The following DENND2C variants were observed in gnomAD, a reference collection of about 807,000 sequenced individuals.
The protein encoded by DENND2C is DENN domain containing 2C, also known as DENN domain-containing protein 2C.
Under a neutral mutation model 112.4 loss-of-function variants are expected in DENND2C, and 72 were observed. The observed-to-expected ratio is 0.64, with a 90% CI of 0.53 to 0.78. The LOEUF is 0.78. Ranked by LOEUF, DENND2C falls within the 30% of genes least tolerant of loss-of-function variation. The probability of loss-of-function intolerance (pLI) is 0.00; values close to 1 mark genes in which losing one functional copy is unlikely to be tolerated. For missense variants in DENND2C, 992 were observed against 1,113.8 expected (o/e 0.89, Z 1.56); for synonymous variants, 329 against 381.6 (o/e 0.86, Z 1.61).
rs185526394 is a variant in DENND2C, at chr1:114,649,245, G to T, written c.-316-3686C>A. 3.2e-3 allele frequency among the ~76,000 whole-genome samples: 490 copies of T among 152,262 alleles called. 4 individuals are homozygous for T. Among genetic ancestry groups the T allele is most frequent in the Non-Finnish European group, 3.9e-3 (265 of 68,010 alleles). On this transcript the variant is annotated intron_variant, in intron 2 of 20. Coordinates refer to ENST00000393274, the MANE Select transcript of DENND2C (RefSeq NM_001256404.2). ...GCTGGGATTACAGGTGTGAGCCATT[G>T]CACCCGGCACTTTTCACTTAATTAT...
intron 3 of DENND2C, among the ~76,000 whole-genome samples, chr1:114,641,103 C>T (rs114727394): frequency 0.011 from 1,721 of 151,786 alleles, 27 homozygotes; most frequent in African/African-American, 0.039. Flanking sequence ...AGAAGATTCT[C>T]TGAAGGTAGG....
In DENND2C at chr1:114,621,952, T is replaced by C; in HGVS notation, c.1170A>G (p.Glu390=). Residue 390 remains glutamate, a synonymous_variant, in exon 7 of 21, where the codon GAA becomes GAG. Transcript: ENST00000393274. ...CTTCACCAGCTCGGAAAAGCTTCCA[T>C]TCCGTTAAAGTGACCGGCAAAGTTG... is the stretch of plus-strand genomic sequence containing the variant. ...KDTTLPVTLT[E]WKLFRAGEVA... 6.4e-7 allele frequency: 1 copy of C among 1,550,760 alleles called. No homozygotes were observed.
At chr1:114,634,579 A>C (rs936710349) in intron 3 of DENND2C, among the ~76,000 whole-genome samples, 8 of 152,234 alleles carry the variant, frequency 5.3e-5, no homozygotes, top group African/African-American at 1.9e-4. Flanking sequence ...TAAAAGACTG[A>C]CATCATACTG....
At chr1:114,611,634 T>A (rs529568203) in intron 8 of DENND2C, among the ~76,000 whole-genome samples, 1 of 152,302 alleles carries the variant, frequency 6.6e-6, no homozygotes, top group African/African-American at 2.4e-5. Flanking sequence ...CTAGTCCATA[T>A]GGATCTTTAC....
chr1:114,616,382 ACT>A (rs1655973198), intron 8 of DENND2C, among the ~76,000 whole-genome samples: 1 of 151,324 alleles, frequency 6.6e-6, no homozygotes, highest in Non-Finnish European at 1.5e-5. Context: ...ACAGAGTGAG[ACT>A]CTGTATCCAA....
chr1:114,603,435 A>T (rs939167314), intron 11 of DENND2C, among the ~76,000 whole-genome samples: 5 of 144,676 alleles, frequency 3.5e-5, no homozygotes, highest in Non-Finnish European at 6.1e-5. Flanking sequence ...GCCAAGTCCA[A>T]TTTTTTTTTT....
At chr1:114,669,879 C>T in intron 1 of DENND2C, 104 bp downstream of exon 1, 1 of 152,448 alleles carries the variant, frequency 6.6e-6, no homozygotes, top group Non-Finnish European at 1.5e-5. Context: ...TACGCCGCGG[C>T]GCCACAGCCC....
Position 114,600,341 on chromosome 1 carries a change from G to C in DENND2C, c.1968C>G (p.Leu656=), listed in dbSNP as rs930183403. ...CCAATCGGGAATCTAGTGGTCGGCA[G>C]AGTTCAATGGACTGAAATGCAAGAA... The part of the protein sequence containing the change: ...LPGAGDESIE[L]CRPLDSRLEH... The change falls in exon 15 of 21, where the codon CTC becomes CTG. Residue 656 remains leucine (L), a synonymous_variant. Transcript: ENST00000393274. The C allele has an allele frequency of 6.2e-6, 10 of 1,614,104 alleles. No individual in the cohort carries two copies. The highest frequency in any genetic ancestry group is 1.3e-5 in the African/African-American group (1 of 75,054).
chr1:114,635,765 G>C (rs1033528196), intron 3 of DENND2C, among the ~76,000 whole-genome samples: 1 of 152,166 alleles, frequency 6.6e-6, no homozygotes, highest in Non-Finnish European at 1.5e-5. Flanking sequence ...CCAACAATTT[G>C]GGAGGCTGAG....
At position 114,583,368 on chromosome 1, in the gene DENND2C, G is replaced by C. The variant is rs1654950824; in HGVS notation, c.*2232C>G. ...ACAACTTACACAGTTTTGTAAGGTT[G>C]AATAAATACTTTCTGTGCCAGTTAA... On this transcript the variant is annotated 3_prime_UTR_variant, in exon 21 of 21. Coordinates refer to ENST00000393274, the MANE Select transcript of DENND2C (RefSeq NM_001256404.2). 6.6e-6 allele frequency: 1 copy of C among 152,188 alleles called. No individual in the cohort carries two copies. 9.4% of individuals were successfully genotyped at this position (152,188 alleles called of 1,614,324 possible). A position where few individuals can be genotyped will look rare whatever the true frequency, so the allele number is the denominator to read the frequency against.
chr1:114,640,529 C>A (rs887366924), intron 3 of DENND2C, among the ~76,000 whole-genome samples: 5 of 152,128 alleles, frequency 3.3e-5, no homozygotes, highest in Non-Finnish European at 5.9e-5. Flanking sequence ...ATGTTTGTTT[C>A]AGAGGTGTGT....
chr1:114,622,935 G>C (rs1054077611), intron 6 of DENND2C, 52 bp downstream of exon 6: 38 of 1,400,350 alleles, frequency 2.7e-5, no homozygotes, highest in Non-Finnish European at 7.9e-6. Context: ...TCTTTTTGTA[G>C]ATACCATGAA....
intron 3 of DENND2C, among the ~76,000 whole-genome samples, chr1:114,643,291 G>T (rs1326443321): frequency 6.6e-6 from 1 of 152,156 alleles, no homozygotes; most frequent in Admixed American, 6.5e-5. Context: ...AGTTGGGTGG[G>T]AACTTGCACT....
At chr1:114,641,230 C>G (rs1656828095) in intron 3 of DENND2C, among the ~76,000 whole-genome samples, 1 of 141,772 alleles carries the variant, frequency 7.1e-6, no homozygotes, top group Non-Finnish European at 1.5e-5. Context: ...CCCAAGAGAC[C>G]AGCCTGGGCA....
At chr1:114,603,798 A>G (rs1345888929) in intron 11 of DENND2C, among the ~76,000 whole-genome samples, 1 of 151,136 alleles carries the variant, frequency 6.6e-6, no homozygotes, top group Non-Finnish European at 1.5e-5. Flanking sequence ...CTTAGCCTCA[A>G]AGTGCTAGGA....
chr1:114,628,653 T>C (rs11809411), intron 3 of DENND2C, among the ~76,000 whole-genome samples: 4,012 of 152,376 alleles, frequency 0.026, 94 homozygotes, highest in Non-Finnish European at 0.034. Context: ...ATACCCTTTA[T>C]AATGTGGCTT....
intron 10 of DENND2C, among the ~76,000 whole-genome samples, chr1:114,607,989 A>C (rs1433062282): frequency 6.6e-6 from 1 of 152,168 alleles, no homozygotes; most frequent in Non-Finnish European, 1.5e-5. Flanking sequence ...CAAATTAAAC[A>C]ACTAAGACAC....
Position 114,608,754 on chromosome 1 carries a change from C to A in DENND2C, c.1489G>T (p.Val497Leu), listed in dbSNP as rs745799464. The change falls in exon 10 of 21, where the codon GTG becomes TTG. Residue 497 changes from valine (V) to leucine (L), a missense_variant. Transcript: ENST00000393274. ...CCTGATGGTTTCTTCTGTAGAGACA[C>A]CACCACAAAAAGTTCAAACAGCTGC... ...EQQLFELFVV[V>L]SLQKKPSGIS... 1.2e-6 allele frequency: 2 copies of A among 1,614,038 alleles called. No homozygotes were observed. Among genetic ancestry groups the A allele is most frequent in the East Asian group, 2.2e-5 (1 of 44,892 alleles).
At chr1:114,627,813 T>C (rs537290714) in intron 3 of DENND2C, among the ~76,000 whole-genome samples, 4 of 152,260 alleles carry the variant, frequency 2.6e-5, no homozygotes, top group African/African-American at 9.6e-5. Context: ...TAGGGTGTCT[T>C]TGAGACTCAG....
Sources: allele counts gnomAD v4.1 joint callset (sites outside exome capture counted in the v4.1 genomes callset), GRCh38; gene constraint gnomAD v4.1.1; transcripts MANE v1.5; gene names NCBI Gene and HGNC (gene_info 2026-07-23, HGNC 2026-07-21).